The following FAM107B variants were observed in gnomAD, a reference collection of about 807,000 sequenced individuals.
FAM107B encodes the protein family with sequence similarity 107 member B.
In FAM107B, 21 loss-of-function variants were observed where a neutral mutation model predicts 31.5. The ratio of observed to expected loss-of-function variants is 0.67; its 90% CI spans 0.47 to 0.96. FAM107B has a LOEUF of 0.96. FAM107B is among the 40% of genes least tolerant of loss of function. The pLI is 0.00. For synonymous variants in FAM107B, 157 were observed against 141.5 expected (o/e 1.11, Z -0.78); for missense variants, 452 against 377.1 (o/e 1.20, Z -1.64).
chr10:14,590,819 TAAA>T (rs56825676), intron 2 of FAM107B, among the ~76,000 whole-genome samples: 1 of 141,668 alleles, frequency 7.1e-6, no homozygotes, highest in Non-Finnish European at 1.5e-5. Context: ...CTGTCTCTAC[TAAA>T]AAAAAAAAAA....
chr10:14,568,665 C>T (rs76529096), intron 2 of FAM107B, among the ~76,000 whole-genome samples: 138 of 13,406 alleles, frequency 0.01, 1 homozygote, highest in African/African-American at 0.014. Context: ...TGAAGATACT[C>T]GGGTAGGAGA....
chr10:14,673,136 G>A (rs908431843), intron 1 of FAM107B, among the ~76,000 whole-genome samples: 1 of 152,104 alleles, frequency 6.6e-6, no homozygotes, highest in African/African-American at 2.4e-5. Flanking sequence ...TTTGTGTTAG[G>A]AACATTCAAT....
chr10:14,745,894 T>C (rs770515195), intron 1 of FAM107B, among the ~76,000 whole-genome samples: 6 of 152,250 alleles, frequency 3.9e-5, no homozygotes, highest in Middle Eastern at 3.4e-3. Flanking sequence ...ATATTGACAG[T>C]GGGGTGTTAA....
intron 1 of FAM107B, among the ~76,000 whole-genome samples, chr10:14,697,566 G>A (rs1023804264): frequency 6.6e-5 from 10 of 152,302 alleles, no homozygotes; most frequent in African/African-American, 2.2e-4. Context: ...AGAGATGAGA[G>A]AAATAGAAAT....
chr10:14,603,413 T>C (rs1029811447), intron 2 of FAM107B, among the ~76,000 whole-genome samples: 1 of 152,190 alleles, frequency 6.6e-6, no homozygotes, highest in Non-Finnish European at 1.5e-5. Flanking sequence ...TCAAGTAACT[T>C]TGCTCCGCTG....
At chr10:14,661,468 CCTT>C (rs891631406) in intron 2 of FAM107B, 24 of 152,322 alleles carry the variant, frequency 1.6e-4, no homozygotes, top group Admixed American at 8.5e-4. Flanking sequence ...GGAATTCTCT[CCTT>C]CTTCTTTCTG....
chr10:14,627,364 ACAGACAGGAGGAGAT>A (rs975759106), intron 2 of FAM107B, among the ~76,000 whole-genome samples: 3 of 152,234 alleles, frequency 2.0e-5, no homozygotes, highest in Non-Finnish European at 4.4e-5. Flanking sequence ...ATATGGATAA[ACAGACAGGAGGAGAT>A]CAGCGGAATC....
chr10:14,642,935 C>T (rs1564611859), intron 2 of FAM107B, among the ~76,000 whole-genome samples: 7 of 152,126 alleles, frequency 4.6e-5, no homozygotes, highest in African/African-American at 1.7e-4. Flanking sequence ...CAGAATTGCC[C>T]TTAATGTTCA....
chr10:14,683,207 A>G (rs1854883157), intron 1 of FAM107B, among the ~76,000 whole-genome samples: 2 of 145,518 alleles, frequency 1.4e-5, no homozygotes, highest in East Asian at 4.0e-4. Flanking sequence ...TGCTGGTGTT[A>G]TTTTGATTTT....
At chr10:14,634,552 A>C (rs1853448356) in intron 2 of FAM107B, among the ~76,000 whole-genome samples, 1 of 152,134 alleles carries the variant, frequency 6.6e-6, no homozygotes, top group Non-Finnish European at 1.5e-5. Flanking sequence ...TCCAGTAATG[A>C]TGGAATTAAC....
chr10:14,716,285 G>T (rs189355503), intron 1 of FAM107B, among the ~76,000 whole-genome samples: 1 of 152,340 alleles, frequency 6.6e-6, no homozygotes, highest in East Asian at 1.9e-4. Flanking sequence ...TGGCCAAGAT[G>T]TTGGCCAGGA....
chr10:14,736,271 C>A (rs1856297561), intron 1 of FAM107B, among the ~76,000 whole-genome samples: 1 of 152,190 alleles, frequency 6.6e-6, no homozygotes, highest in Middle Eastern at 3.2e-3. Context: ...AGTCACAAGT[C>A]AGGAGACAGG....
intron 2 of FAM107B, among the ~76,000 whole-genome samples, chr10:14,594,535 G>A (rs956680906): frequency 2.0e-5 from 3 of 151,028 alleles, no homozygotes; most frequent in African/African-American, 7.3e-5. Context: ...AAACAAAACT[G>A]GCAAATGCAT....
chr10:14,584,930 T>C (rs1254858980), intron 2 of FAM107B, among the ~76,000 whole-genome samples: 1 of 152,192 alleles, frequency 6.6e-6, no homozygotes. Context: ...ATTGGTTGCT[T>C]CCTGCAACCA....
chr10:14,721,916 C>T lies in FAM107B; in HGVS notation c.411+52337G>A, dbSNP rs575311287. Among the ~76,000 whole-genome samples, 80 of 152,230 alleles carry T rather than the reference C, an allele frequency of 5.3e-4. No individual in the cohort carries two copies. The South Asian group carries it at 0.012, about 22-fold the overall frequency. On this transcript the variant is annotated intron_variant, in intron 1 of 4. Transcript: ENST00000181796. The stretch of plus-strand genomic sequence containing the variant: ...TTTGGTGTTTTAGACATGAAGTCCT[C>T]GCCCATGCCTATGTCCTGAATGGTA...
intron 2 of FAM107B, among the ~76,000 whole-genome samples, chr10:14,624,534 G>T (rs760186848): frequency 1.1e-4 from 16 of 152,060 alleles, no homozygotes; most frequent in Non-Finnish European, 2.2e-4. Flanking sequence ...TACTCGGGAG[G>T]CTGAGGCAGG....
At chr10:14,571,519 T>C (rs1851223504) in intron 2 of FAM107B, among the ~76,000 whole-genome samples, 1 of 152,184 alleles carries the variant, frequency 6.6e-6, no homozygotes, top group Non-Finnish European at 1.5e-5. Context: ...ACAGACATGG[T>C]TGGCATCTGA....
chr10:14,654,573 G>C (rs1476190414), intron 2 of FAM107B, among the ~76,000 whole-genome samples: 4 of 152,002 alleles, frequency 2.6e-5, no homozygotes, highest in Non-Finnish European at 5.9e-5. Flanking sequence ...TGTTGTTTAA[G>C]GCTCAAAACA....
chr10:14,578,269 C>T (rs1204665278), intron 2 of FAM107B, among the ~76,000 whole-genome samples: 1 of 152,200 alleles, frequency 6.6e-6, no homozygotes, highest in African/African-American at 2.4e-5. Flanking sequence ...ATGCTGGATC[C>T]TTCATTTGGA....
Sources: gnomAD v4.1 joint callset for allele counts (sites outside exome capture counted in the v4.1 genomes callset) on GRCh38, gnomAD v4.1.1 for gene constraint, MANE v1.5 for transcripts, NCBI Gene and HGNC (gene_info 2026-07-23, HGNC 2026-07-21) for gene names.